The following LSM1 variants were observed in gnomAD, a reference collection of about 807,000 sequenced individuals.
The protein encoded by LSM1 is U6 snRNA-associated Sm-like protein LSm1.
A neutral mutation model predicts 18.0 loss-of-function variants in LSM1; 13 were observed. The observed-to-expected ratio is 0.72, with a 90% CI of 0.47 to 1.15. The LOEUF (loss-of-function observed/expected upper bound fraction) is 1.15, where lower values mean the gene tolerates loss of function less well. LSM1 is among the 50% of genes most tolerant of loss of function. The pLI is 0.00. For missense variants in LSM1, 152 were observed against 157.7 expected (o/e 0.96, Z 0.19); for synonymous variants, 46 against 56.0 (o/e 0.82, Z 0.80).
At chr8:38,164,548 G>A (rs533968374) in intron 3 of LSM1, among the ~76,000 whole-genome samples, 1 of 151,736 alleles carries the variant, frequency 6.6e-6, no homozygotes, top group East Asian at 1.9e-4. Flanking sequence ...AAGGACGGGT[G>A]GAGTGGCTCA....
At chr8:38,168,665 T>C (rs1399969507) in intron 3 of LSM1, among the ~76,000 whole-genome samples, 3 of 149,942 alleles carry the variant, frequency 2.0e-5, no homozygotes, top group Admixed American at 6.6e-5. Context: ...TACACTGAAC[T>C]AAAAGTACAA....
intron 1 of LSM1, among the ~76,000 whole-genome samples, chr8:38,173,296 T>C (rs1230493368): frequency 1.3e-5 from 2 of 151,300 alleles, no homozygotes; most frequent in Admixed American, 1.3e-4. Context: ...AGAGAGAAAC[T>C]GTATTTCTGA....
At chr8:38,176,049 C>A (rs905726503) in intron 1 of LSM1, 2 of 474,340 alleles carry the variant, frequency 4.2e-6, no homozygotes, top group Non-Finnish European at 7.5e-6. Flanking sequence ...GGCTCACCAG[C>A]TAGAGGGCTG....
chr8:38,170,168 G>A (rs1206321034), intron 2 of LSM1, among the ~76,000 whole-genome samples: 6 of 152,220 alleles, frequency 3.9e-5, no homozygotes, highest in Non-Finnish European at 5.9e-5. Context: ...AGATTCCGGA[G>A]TAGCTGGGAC....
chr8:38,170,735 C>T (rs1191940580), intron 2 of LSM1, among the ~76,000 whole-genome samples: 1 of 152,204 alleles, frequency 6.6e-6, no homozygotes, highest in African/African-American at 2.4e-5. Flanking sequence ...TTCACCTTGA[C>T]AGATAACTAT....
chr8:38,163,849 G>C lies in LSM1; in HGVS notation c.232-9C>G, dbSNP rs1234303510. 1 of 1,613,758 alleles carries C rather than the reference G, an allele frequency of 6.2e-7. No individual in the cohort carries two copies. Among genetic ancestry groups the C allele is most frequent in the Admixed American group, 1.7e-5 (1 of 60,000 alleles). On this transcript the variant is annotated splice_polypyrimidine_tract_variant and intron_variant, in intron 3 of 3. Coordinates refer to ENST00000311351, the MANE Select transcript of LSM1 (RefSeq NM_014462.3). Reference sequence around the variant, plus strand: ...CTCTCCTTTTCCAAGTCCTACAAAAGAGACAGGTTTGAAAACTTCACCTGA... The same window carrying C: ...CTCTCCTTTTCCAAGTCCTACAAAACAGACAGGTTTGAAAACTTCACCTGA...
At chr8:38,172,230 G>C (rs1393067985) in intron 1 of LSM1, among the ~76,000 whole-genome samples, 197 bp from the exon 2 acceptor site, 1 of 151,654 alleles carries the variant, frequency 6.6e-6, no homozygotes, top group East Asian at 1.9e-4. Flanking sequence ...AATCAGAGCA[G>C]TGTGGCAGAG....
Position 38,172,324 on chromosome 8 carries a change from C to CT in LSM1, c.47-292dup, listed in dbSNP as rs66755601. 2.3e-3 allele frequency among the ~76,000 whole-genome samples: 281 copies of CT among 123,582 alleles called. 2 individuals carry two copies. The highest frequency in any genetic ancestry group is 2.5e-3 in the South Asian group (10 of 3,946). The allele number at this position is 123,582 out of a possible 152,430, so 81.1% of individuals were successfully genotyped here. A position where few individuals can be genotyped will look rare whatever the true frequency, so the allele number is the denominator to read the frequency against. On this transcript the variant is annotated intron_variant, in intron 1 of 3. Transcript: ENST00000311351. ...GTTGGTTTTTTTTTTTTCCTTTTTTCTTTTTTTTTTTTTTTGAGACAGAGT... is the reference window on the plus strand; with the variant it reads ...GTTGGTTTTTTTTTTTTCCTTTTTTCTTTTTTTTTTTTTTTTGAGACAGAGT...
intron 1 of LSM1, among the ~76,000 whole-genome samples, chr8:38,172,736 T>C (rs1803052583): frequency 6.6e-6 from 1 of 152,238 alleles, no homozygotes; most frequent in Admixed American, 6.5e-5. Flanking sequence ...TATTTTGTCC[T>C]CAAAAGATGA....
intron 1 of LSM1, 150 bp from the exon 2 acceptor site, chr8:38,172,183 C>G: frequency 1.7e-6 from 1 of 593,162 alleles, no homozygotes; most frequent in Non-Finnish European, 2.9e-6. Flanking sequence ...AAAAGCAGCA[C>G]AGCAACGCGG....
Position 38,176,432 on chromosome 8 carries a change from C to G in LSM1, c.-112G>C. 1.2e-6 allele frequency: 1 copy of G among 827,674 alleles called. No individual in the cohort carries two copies. The highest frequency in any genetic ancestry group is 2.0e-6 in the Non-Finnish European group (1 of 511,646). 51.3% of individuals were successfully genotyped at this position (827,674 alleles called of 1,614,324 possible). ...GTGGGACCAAGCCCGGAATCCCGAC[C>G]GAGACCAGCACTTCTGCCCCGGCTT... is the stretch of plus-strand genomic sequence containing the variant. On this transcript the variant is annotated 5_prime_UTR_variant, in exon 1 of 4. Coordinates refer to ENST00000311351, the MANE Select transcript of LSM1 (RefSeq NM_014462.3).
At chr8:38,164,237 T>C (rs1056960674) in intron 3 of LSM1, among the ~76,000 whole-genome samples, 4 of 152,136 alleles carry the variant, frequency 2.6e-5, no homozygotes, top group Non-Finnish European at 5.9e-5. Context: ...GTATTTTAAG[T>C]AGAGACAGGG....
At chr8:38,174,376 T>C (rs765630954) in intron 1 of LSM1, among the ~76,000 whole-genome samples, 3 of 151,932 alleles carry the variant, frequency 2.0e-5, no homozygotes, top group Non-Finnish European at 4.4e-5. Context: ...AAGGGAGGAA[T>C]CCTTCCTACT....
chr8:38,170,264 C>T lies in LSM1; in HGVS notation c.116-347G>A, dbSNP rs568492769. On this transcript the variant is annotated intron_variant, in intron 2 of 3. Transcript: ENST00000311351. Reference sequence around the variant, plus strand: ...ACATTGGCCAGGCTGGTCTTGAACTCCTGGCCTTGTGATCCGCCCACCTCG... The same window carrying T: ...ACATTGGCCAGGCTGGTCTTGAACTTCTGGCCTTGTGATCCGCCCACCTCG... Among the ~76,000 whole-genome samples, 6 of 152,270 alleles carry T rather than the reference C, an allele frequency of 3.9e-5. No individual in the cohort carries two copies. The South Asian group carries it at 1.2e-3, about 32-fold the overall frequency.
At chr8:38,175,964 C>T (rs879595087) in intron 1 of LSM1, 4 of 310,808 alleles carry the variant, frequency 1.3e-5, no homozygotes, top group African/African-American at 2.2e-5. Flanking sequence ...AAGCCCCCCC[C>T]CTCCCCGGGC....
At chr8:38,170,629 G>A (rs1285501781) in intron 2 of LSM1, among the ~76,000 whole-genome samples, 1 of 152,134 alleles carries the variant, frequency 6.6e-6, no homozygotes, top group African/African-American at 2.4e-5. Flanking sequence ...GTGTGTATGT[G>A]ATGATCTGCT....
At chr8:38,167,724 C>T (rs1802959032) in intron 3 of LSM1, among the ~76,000 whole-genome samples, 2 of 152,134 alleles carry the variant, frequency 1.3e-5, no homozygotes, top group African/African-American at 4.8e-5. Context: ...TCATCTATAA[C>T]CCCACCATGC....
chr8:38,174,896 C>T (rs1214442648), intron 1 of LSM1, among the ~76,000 whole-genome samples: 2 of 151,140 alleles, frequency 1.3e-5, no homozygotes, highest in African/African-American at 4.9e-5. Context: ...TGCTGGCAGG[C>T]GCCTGTAATC....
chr8:38,173,495 G>A (rs1803065515), intron 1 of LSM1, among the ~76,000 whole-genome samples: 1 of 152,148 alleles, frequency 6.6e-6, no homozygotes. Flanking sequence ...GAAAAGTACT[G>A]GGCGCAGGCT....
Sources: gnomAD v4.1 joint callset for allele counts (sites outside exome capture counted in the v4.1 genomes callset) on GRCh38, gnomAD v4.1.1 for gene constraint, MANE v1.5 for transcripts, NCBI Gene and HGNC (gene_info 2026-07-23, HGNC 2026-07-21) for gene names.